The following CFAP70 variants were observed in gnomAD, a reference collection of about 807,000 sequenced individuals.
The protein encoded by CFAP70 is cilia- and flagella-associated protein 70.
Under a neutral mutation model 137.6 loss-of-function variants are expected in CFAP70, and 81 were observed. That is an observed-to-expected ratio of 0.59 (90% confidence interval 0.49 to 0.71). The LOEUF is 0.71. CFAP70 is among the 30% of genes least tolerant of loss of function. CFAP70 has a pLI of 0.00. For synonymous variants in CFAP70, 382 were observed against 423.6 expected, an observed-to-expected ratio of 0.90 and a Z score of 1.20; for missense variants, 976 against 1,226.7, an observed-to-expected ratio of 0.80 and a Z score of 3.05.
chr10:73,283,153 ATCTT>A (rs1157889057), intron 19 of CFAP70, among the ~76,000 whole-genome samples: 6 of 152,122 alleles, frequency 3.9e-5, no homozygotes, highest in Non-Finnish European at 7.4e-5. Context: ...TTTTCCTGTT[ATCTT>A]TCTATTACTG....
intron 16 of CFAP70, 22 bp downstream of exon 17, chr10:73,293,241 C>T (rs1428394212): frequency 6.3e-7 from 1 of 1,586,448 alleles, no homozygotes; most frequent in Non-Finnish European, 8.6e-7. Context: ...TAGTAACAAT[C>T]ACTGGGAAGA....
chr10:73,254,053 C>G, exon 27 of CFAP70: 4 of 1,590,432 alleles, frequency 2.5e-6, no homozygotes, highest in Non-Finnish European at 3.4e-6. Context: ...CTTTCAATTT[C>G]AGCTACATGA....
chr10:73,337,838 G>A (rs1406312815), intron 6 of CFAP70, among the ~76,000 whole-genome samples: 7 of 150,864 alleles, frequency 4.6e-5, no homozygotes, highest in African/African-American at 7.3e-5. Flanking sequence ...CCCAGGAAGC[G>A]CAGGTTGCAG....
chr10:73,305,826 AT>A (rs2049328486), intron 12 of CFAP70, among the ~76,000 whole-genome samples: 1 of 152,228 alleles, frequency 6.6e-6, no homozygotes, highest in South Asian at 2.1e-4. Context: ...AAAGAAAAAA[AT>A]ATAGAAATTC....
intron 23 of CFAP70, among the ~76,000 whole-genome samples, chr10:73,274,137 C>A (rs1266491567): frequency 1.3e-5 from 2 of 152,156 alleles, no homozygotes; most frequent in Non-Finnish European, 2.9e-5. Context: ...GTAAGTCAAG[C>A]TAAGGATGTT....
At chr10:73,352,809 A>C (rs1269736065) in intron 3 of CFAP70, among the ~76,000 whole-genome samples, 1 of 152,194 alleles carries the variant, frequency 6.6e-6, no homozygotes, top group African/African-American at 2.4e-5. Context: ...ATATCCCACA[A>C]ATTCTGATAT....
chr10:73,255,254 G>C (rs1048793897), intron 26 of CFAP70, among the ~76,000 whole-genome samples: 4 of 152,126 alleles, frequency 2.6e-5, no homozygotes, highest in Admixed American at 6.5e-5. Context: ...AAATTAGCTG[G>C]GGGCAGTGGC....
intron 25 of CFAP70, among the ~76,000 whole-genome samples, chr10:73,258,334 A>G (rs915050432): frequency 3.3e-5 from 5 of 152,216 alleles, no homozygotes; most frequent in Admixed American, 2.0e-4. Context: ...CTTTACTGCA[A>G]TCTCTGAACA....
chr10:73,345,322 C>T, intron 4 of CFAP70, 78 bp from the exon 6 acceptor site: 1 of 1,250,102 alleles, frequency 8.0e-7, no homozygotes, highest in Non-Finnish European at 1.1e-6. Context: ...ATTTGAATCT[C>T]ATATTACTGT....
intron 12 of CFAP70, 31 bp from the exon 14 acceptor site, chr10:73,299,696 CAA>C: frequency 6.5e-7 from 1 of 1,542,822 alleles, no homozygotes; most frequent in Non-Finnish European, 8.8e-7. Context: ...AATAAAAAAA[CAA>C]AAAAAAATTT....
intron 13 of CFAP70, 107 bp from the exon 15 acceptor site, chr10:73,299,208 G>A: frequency 7.6e-6 from 6 of 787,370 alleles, no homozygotes; most frequent in Non-Finnish European, 9.9e-6. Context: ...TTATTAGTTT[G>A]TTTGTTTGTT....
chr10:73,269,580 A>C (rs1341747989), intron 25 of CFAP70, 34 bp downstream of exon 26: 2 of 1,500,212 alleles, frequency 1.3e-6, no homozygotes, highest in South Asian at 1.1e-5. Context: ...TCTGTGCCCT[A>C]AAAGGGCATT....
At chr10:73,329,075 G>T (rs2051786751) in intron 8 of CFAP70, among the ~76,000 whole-genome samples, 1 of 151,968 alleles carries the variant, frequency 6.6e-6, no homozygotes, top group South Asian at 2.1e-4. Context: ...CAATAGCAAA[G>T]ACTTGGAACC....
At chr10:73,302,775 G>A (rs1168567227) in intron 12 of CFAP70, among the ~76,000 whole-genome samples, 2 of 152,144 alleles carry the variant, frequency 1.3e-5, no homozygotes, top group African/African-American at 4.8e-5. Context: ...CTTATACAGT[G>A]ACATAGATTT....
rs559341439 is a variant in CFAP70 at position 73,299,540 on chromosome 10, C to A, written c.1317+65G>T. Reference sequence around the variant, plus strand: ...TGGAAGACATATTAAAGAGTCCATGCAATTAACAAGTGCATGCACTCAATA... The same window carrying A: ...TGGAAGACATATTAAAGAGTCCATGAAATTAACAAGTGCATGCACTCAATA... On this transcript the variant is annotated intron_variant, in intron 13 of 26. Coordinates refer to ENST00000310715, the Ensembl canonical transcript of CFAP70. The A allele has an allele frequency of 3.0e-6, 4 of 1,321,474 alleles. No individual in the cohort carries two copies. The East Asian group carries it at 6.9e-5, about 23-fold the overall frequency. 81.9% of individuals were successfully genotyped at this position (1,321,474 alleles called of 1,614,324 possible). A position where few individuals can be genotyped will look rare whatever the true frequency, so the allele number is the denominator to read the frequency against.
chr10:73,259,854 G>A (rs2044965937), intron 25 of CFAP70, among the ~76,000 whole-genome samples: 1 of 151,944 alleles, frequency 6.6e-6, no homozygotes, highest in Non-Finnish European at 1.5e-5. Flanking sequence ...AACATGGTGA[G>A]ACTCTGTCTC....
At chr10:73,286,883 G>A (rs914275356) in intron 19 of CFAP70, among the ~76,000 whole-genome samples, 1 of 150,356 alleles carries the variant, frequency 6.7e-6, no homozygotes, top group African/African-American at 2.5e-5. Flanking sequence ...GAAACAAAGG[G>A]ATGGGCTCTG....
chr10:73,327,176 G>A (rs889594783), intron 8 of CFAP70, among the ~76,000 whole-genome samples: 5 of 148,970 alleles, frequency 3.4e-5, no homozygotes, highest in Non-Finnish European at 7.4e-5. Context: ...TGCAAGGCTG[G>A]TTCAATATAC....
chr10:73,311,110 C>CA (rs1348201785), intron 11 of CFAP70, among the ~76,000 whole-genome samples: 4 of 152,292 alleles, frequency 2.6e-5, no homozygotes, highest in Admixed American at 2.0e-4. Context: ...CAATGAAGTC[C>CA]AAACTTTTAA....
Sources: gnomAD v4.1 joint callset for allele counts (sites outside exome capture counted in the v4.1 genomes callset) on GRCh38, gnomAD v4.1.1 for gene constraint, MANE v1.5 for transcripts, NCBI Gene and HGNC (gene_info 2026-07-23, HGNC 2026-07-21) for gene names.